The following DMBT1 variants were observed in gnomAD, a reference collection of about 807,000 sequenced individuals.
DMBT1 encodes scavenger receptor cysteine-rich domain-containing protein DMBT1.
DMBT1 carries 198 observed loss-of-function variants against 252.9 expected under a neutral mutation model. That is an observed-to-expected ratio of 0.78 (90% CI 0.70 to 0.88). The LOEUF (loss-of-function observed/expected upper bound fraction) is 0.88, where lower values mean the gene tolerates loss of function less well. Among genes scored for constraint, DMBT1 ranks in the 40% least tolerant of loss-of-function variants. The probability of loss-of-function intolerance (pLI) is 0.00; values close to 1 mark genes in which losing one functional copy is unlikely to be tolerated. For missense variants in DMBT1, 2,432 were observed against 2,404.7 expected (o/e 1.01, Z -0.24); for synonymous variants, 990 against 942.7 (o/e 1.05, Z -0.92).
At chr10:122,565,530 T>C (rs1247849484) in intron 1 of DMBT1, among the ~76,000 whole-genome samples, 1 of 152,192 alleles carries the variant, frequency 6.6e-6, no homozygotes, top group Non-Finnish European at 1.5e-5. Context: ...TAAAATGTTT[T>C]CAGGTTATGA....
At chr10:122,585,397 TG>T in intron 15 of DMBT1, 88 bp downstream of exon 15, 2 of 1,469,928 alleles carry the variant, frequency 1.4e-6, no homozygotes, top group Non-Finnish European at 1.9e-6. Context: ...AGGGTCAAGG[TG>T]GGCCCCTCTG....
At chr10:122,601,078 G>T (rs1198593158) in intron 28 of DMBT1, 55 bp downstream of exon 28, 3 of 670,070 alleles carry the variant, frequency 4.5e-6, no homozygotes, top group Non-Finnish European at 7.4e-6. Flanking sequence ...CATATTTTGT[G>T]TTTGAAACTG....
chr10:122,628,846 A>G (rs905027144), intron 46 of DMBT1, among the ~76,000 whole-genome samples: 3 of 152,152 alleles, frequency 2.0e-5, no homozygotes, highest in African/African-American at 7.2e-5. Flanking sequence ...ATGGGGAGTG[A>G]TTGCTAATGA....
Position 122,576,643 on chromosome 10 carries a change from C to T in DMBT1, c.528C>T (p.Ser176=), listed in dbSNP as rs2097714902. The T allele has an allele frequency of 1.2e-6, 2 of 1,613,818 alleles. No homozygotes were observed. Among genetic ancestry groups the T allele is most frequent in the East Asian group, 2.2e-5 (1 of 44,884 alleles). The part of the protein sequence containing the change: ...LDDVRCSGHE[S]YLWSCPHNGW... ...ATGTGCGCTGCTCAGGACACGAATC[C>T]TACCTGTGGAGCTGCCCCCACAATG... Residue 176 remains serine (S), a synonymous_variant, in exon 7 of 56, where the codon TCC becomes TCT. Coordinates refer to ENST00000338354, the MANE Select transcript of DMBT1 (RefSeq NM_001377530.1).
intron 41 of DMBT1, 128 bp downstream of exon 41, chr10:122,618,468 G>C (rs2098023782): frequency 5.3e-6 from 8 of 1,509,524 alleles, no homozygotes; most frequent in Non-Finnish European, 7.1e-6. Context: ...AGTCTTGTTA[G>C]CTCTCTGCTA....
At chr10:122,570,852 G>A in intron 3 of DMBT1, 38 bp from the exon 4 acceptor site, 3 of 1,606,358 alleles carry the variant, frequency 1.9e-6, no homozygotes, top group Non-Finnish European at 2.6e-6. Flanking sequence ...CCAAACAAGG[G>A]CTACCATCAA....
At chr10:122,561,658 G>A (rs2097547619) in intron 1 of DMBT1, among the ~76,000 whole-genome samples, 2 of 148,300 alleles carry the variant, frequency 1.3e-5, no homozygotes, top group South Asian at 4.3e-4. Flanking sequence ...CTGTCTGTCT[G>A]TCTGTGTTTC....
At chr10:122,637,364 C>G (rs945538078) in intron 54 of DMBT1, 52 bp downstream of exon 54, 1 of 1,502,704 alleles carries the variant, frequency 6.7e-7, no homozygotes, top group Non-Finnish European at 9.0e-7. Context: ...TTTCTTAGAG[C>G]GGTATGTCCT....
chr10:122,636,033 T>C lies in DMBT1; in HGVS notation c.6591T>C (p.Asp2197=), dbSNP rs1452754574. 4 of 1,613,912 alleles carry C rather than the reference T, an allele frequency of 2.5e-6. No homozygotes were observed. In the East Asian group the frequency reaches 6.7e-5, roughly 27 times the overall value. ...GCNYDYIEVF[D]GPYRSSPLIA... is the part of the protein sequence containing the mutation. ...ACTATGATTATATTGAAGTTTTCGA[T>C]GGCCCCTACCGCAGTTCCCCTCTCA... Residue 2197 remains aspartate, a synonymous_variant, in exon 53 of 56, where the codon GAT becomes GAC. Coordinates refer to ENST00000338354, the MANE Select transcript of DMBT1 (RefSeq NM_001377530.1).
intron 42 of DMBT1, 68 bp downstream of exon 42, chr10:122,619,405 A>G: frequency 6.3e-7 from 1 of 1,597,340 alleles, no homozygotes; most frequent in African/African-American, 1.3e-5. Context: ...TCCCCACTCC[A>G]CAGAGCTCTC....
chr10:122,635,053 A>C (rs1474061530), intron 52 of DMBT1, among the ~76,000 whole-genome samples: 1 of 152,210 alleles, frequency 6.6e-6, no homozygotes. Flanking sequence ...CAAAGATTGC[A>C]CTTAAAGCTG....
At position 122,589,049 on chromosome 10, in the gene DMBT1, G is replaced by A. The variant is rs2097822429; in HGVS notation, c.1889G>A (p.Ser630Asn). The A allele has an allele frequency of 3.1e-6, 5 of 1,588,818 alleles. No individual in the cohort carries two copies. Among genetic ancestry groups the A allele is most frequent in the Non-Finnish European group, 4.3e-6 (5 of 1,165,994 alleles). ...RGSWGTVCDD[S>N]WDTNDANVVC... ...TCTTGGGGCACCGTGTGTGATGACAGCTGGGACACCAATGATGCCAATGTG... is the reference window on the plus strand; with the variant it reads ...TCTTGGGGCACCGTGTGTGATGACAACTGGGACACCAATGATGCCAATGTG... Residue 630 changes from serine to asparagine, a missense_variant, in exon 17 of 56, where the codon AGC becomes AAC. Physicochemically the swap from Ser to Asn is conservative, Grantham distance 46. Around this residue, in one of 3 missense-constraint regions of DMBT1, gnomAD observed 1,264 missense variants for 1,082.2 expected, o/e 1.17. Coordinates refer to ENST00000338354, the MANE Select transcript of DMBT1 (RefSeq NM_001377530.1).
At position 122,640,462 on chromosome 10, in the gene DMBT1, T is replaced by C. The variant is rs1211108589; in HGVS notation, c.7352+13T>C. ...TAATCCGGAGTGGGTAAGGAGTGTC[T>C]TTATGCGATGGCCTTAAACCTTTAC... On this transcript the variant is annotated intron_variant, in intron 55 of 55. Coordinates refer to ENST00000338354, the MANE Select transcript of DMBT1 (RefSeq NM_001377530.1). 3 of 1,603,976 alleles carry C rather than the reference T, an allele frequency of 1.9e-6. No individual in the cohort carries two copies. The African/African-American group carries it at 4.0e-5, about 21-fold the overall frequency.
intron 1 of DMBT1, among the ~76,000 whole-genome samples, chr10:122,561,441 A>G (rs2133489854): frequency 6.6e-6 from 1 of 152,292 alleles, no homozygotes; most frequent in Admixed American, 6.5e-5. Context: ...AGAGAGTCAG[A>G]TGATAAACGT....
chr10:122,573,569 G>T, intron 5 of DMBT1, 146 bp from the exon 6 acceptor site: 2 of 990,398 alleles, frequency 2.0e-6, no homozygotes, highest in South Asian at 1.4e-5. Context: ...ATGACAAAGC[G>T]ATTGGCACAT....
chr10:122,592,432 C>T lies in DMBT1; in HGVS notation c.2337C>T (p.Ala779=), dbSNP rs1441368558. 3.1e-6 allele frequency: 5 copies of T among 1,588,138 alleles called. No homozygotes were observed. Among genetic ancestry groups the T allele is most frequent in the African/African-American group, 2.7e-5 (2 of 74,488 alleles). The change falls in exon 20 of 56, where the codon GCC becomes GCT. Residue 779 remains alanine, a synonymous_variant. Transcript: ENST00000338354. ...GCAGGCAGCTGGGCTGTGGCTGGGC[C>T]ACGTCGGCCCCAGGAAATGCCCGGT... ...VVCRQLGCGW[A]TSAPGNARFG...
chr10:122,599,889 C>G (rs2097924244), intron 26 of DMBT1, among the ~76,000 whole-genome samples, 175 bp from the exon 27 acceptor site: 1 of 152,140 alleles, frequency 6.6e-6, no homozygotes, highest in Non-Finnish European at 1.5e-5. Flanking sequence ...CAGGATCTGC[C>G]TCGACCCCTT....
intron 10 of DMBT1, among the ~76,000 whole-genome samples, 192 bp from the exon 11 acceptor site, chr10:122,580,674 A>G (rs1407191541): frequency 2.0e-5 from 3 of 151,840 alleles, no homozygotes; most frequent in Non-Finnish European, 2.9e-5. Context: ...AGCTGGCAAT[A>G]GTGGACAGGA....
At chr10:122,623,111 G>C (rs1013610743) in intron 44 of DMBT1, among the ~76,000 whole-genome samples, 3 of 151,834 alleles carry the variant, frequency 2.0e-5, no homozygotes, top group African/African-American at 7.2e-5. Flanking sequence ...TTCTGCCTCT[G>C]TATACAGATT....
Sources: gnomAD v4.1 joint callset for allele counts (sites outside exome capture counted in the v4.1 genomes callset) on GRCh38, gnomAD v4.1.1 for gene constraint, gnomAD v4.1.1 regional missense constraint, MANE v1.5 for transcripts, NCBI Gene and HGNC (gene_info 2026-07-23, HGNC 2026-07-21) for gene names.